The following CEP78 variants were observed in gnomAD, a reference collection of about 807,000 sequenced individuals.
CEP78 encodes centrosomal protein of 78 kDa.
CEP78 carries 76 observed loss-of-function variants against 81.2 expected under a neutral mutation model. The ratio of observed to expected loss-of-function variants is 0.94; its 90% CI spans 0.78 to 1.13. The LOEUF (loss-of-function observed/expected upper bound fraction) is 1.13, where lower values mean the gene tolerates loss of function less well. Ranked by LOEUF, CEP78 falls within the 50% of genes most tolerant of loss-of-function variation. The probability of loss-of-function intolerance (pLI) is 0.00; values close to 1 mark genes in which losing one functional copy is unlikely to be tolerated. For missense variants in CEP78, 918 were observed against 846.8 expected (o/e 1.08, Z -1.04); for synonymous variants, 293 against 301.4 (o/e 0.97, Z 0.29).
Position 78,266,813 on chromosome 9 carries a change from T to C in CEP78, c.2107+110T>C, listed in dbSNP as rs144952177. 208 of 1,498,848 alleles carry C rather than the reference T, an allele frequency of 1.4e-4. 2 individuals carry two copies. The East Asian group carries it at 4.9e-3, about 35-fold the overall frequency. 92.8% of individuals were successfully genotyped at this position (1,498,848 alleles called of 1,614,324 possible). A position where few individuals can be genotyped will look rare whatever the true frequency, so the allele number is the denominator to read the frequency against. On this transcript the variant is annotated intron_variant, in intron 16 of 16. Coordinates refer to ENST00000643273, the MANE Select transcript of CEP78 (RefSeq NM_001330691.3). ...GCAAAGAAACTAGGGAAACTAGTTC[T>C]TTGGTTAATGAACCAATTAAAAGTA...
rs1252274552 is a variant in CEP78, at chr9:78,262,896, C to G, written c.1381-11C>G. 3 of 1,456,830 alleles carry G rather than the reference C, an allele frequency of 2.1e-6. No homozygotes were observed. Among genetic ancestry groups the G allele is most frequent in the Non-Finnish European group, 2.8e-6 (3 of 1,072,248 alleles). The allele number at this position is 1,456,830 out of a possible 1,614,324, so 90.2% of individuals were successfully genotyped here. A position where few individuals can be genotyped will look rare whatever the true frequency, so the allele number is the denominator to read the frequency against. On this transcript the variant is annotated splice_polypyrimidine_tract_variant and intron_variant, in intron 11 of 16. Coordinates refer to ENST00000643273, the MANE Select transcript of CEP78 (RefSeq NM_001330691.3). Reference sequence around the variant, plus strand: ...ATTAATTATAATATTTACTTTATTACTTAATACTAGGAAAAACTGGAGGAG... The same window carrying G: ...ATTAATTATAATATTTACTTTATTAGTTAATACTAGGAAAAACTGGAGGAG...
chr9:78,254,801 T>G (rs545761992), intron 10 of CEP78, 35 bp from the exon 11 acceptor site: 1 of 1,562,706 alleles, frequency 6.4e-7, no homozygotes, highest in African/African-American at 1.4e-5. Flanking sequence ...GTATTCGGTT[T>G]ATATTATTAT....
intron 11 of CEP78, among the ~76,000 whole-genome samples, chr9:78,260,427 G>A (rs772134511): frequency 1.3e-5 from 2 of 152,134 alleles, no homozygotes; most frequent in African/African-American, 4.8e-5. Context: ...GTCAAAGTTG[G>A]CCAGGTGCGG....
chr9:78,263,228 CTG>C (rs1158143843), intron 12 of CEP78, among the ~76,000 whole-genome samples: 2 of 152,010 alleles, frequency 1.3e-5, no homozygotes, highest in Non-Finnish European at 2.9e-5. Flanking sequence ...TTTTATATGA[CTG>C]GAGCTTATTT....
At chr9:78,258,372 A>C (rs1457483730) in intron 11 of CEP78, among the ~76,000 whole-genome samples, 1 of 152,236 alleles carries the variant, frequency 6.6e-6, no homozygotes, top group Non-Finnish European at 1.5e-5. Flanking sequence ...GTAAAAGCTA[A>C]GTTTGGAAGG....
chr9:78,274,856 A>G lies in CEP78; in HGVS notation c.*4005A>G, dbSNP rs1827769116. 2.0e-5 allele frequency: 3 copies of G among 152,350 alleles called. No homozygotes were observed. The South Asian group carries it at 6.2e-4, about 32-fold the overall frequency. 9.4% of individuals were successfully genotyped at this position (152,350 alleles called of 1,614,324 possible). A position where few individuals can be genotyped will look rare whatever the true frequency, so the allele number is the denominator to read the frequency against. On this transcript the variant is annotated 3_prime_UTR_variant, in exon 17 of 17. Coordinates refer to ENST00000643273, the MANE Select transcript of CEP78 (RefSeq NM_001330691.3). ...CCAAAGAGGTGTTAGAGGAAATTGT[A>G]TAGATTTTGATTTACTTTCCAGGAA...
chr9:78,241,170 C>G (rs138332804), intron 3 of CEP78, among the ~76,000 whole-genome samples: 2 of 151,938 alleles, frequency 1.3e-5, no homozygotes, highest in African/African-American at 2.4e-5. Context: ...GTCTTGTGTT[C>G]GTTGTGTGAA....
chr9:78,247,934 A>G (rs191066368), intron 6 of CEP78, among the ~76,000 whole-genome samples: 49 of 152,350 alleles, frequency 3.2e-4, no homozygotes, highest in African/African-American at 1.2e-3. Flanking sequence ...GGGGCGCATC[A>G]TGACTTTGAT....
Position 78,264,534 on chromosome 9 carries a change from G to C in CEP78, c.1625+218G>C, listed in dbSNP as rs575466274. On this transcript the variant is annotated intron_variant, in intron 13 of 16. Transcript: ENST00000643273. ...CAATATGAAAGAGTAAACTTATCTG[G>C]CTTGGTGGTTTGCACCTGTAATCCC... 2.0e-5 allele frequency among the ~76,000 whole-genome samples: 3 copies of C among 151,896 alleles called. No individual in the cohort carries two copies. In the East Asian group the frequency reaches 5.8e-4, roughly 30 times the overall value.
chr9:78,236,117 A>AG lies in CEP78; in HGVS notation c.-234_-233insG, dbSNP rs1430685023. The AG allele has an allele frequency of 7.5e-6, 4 of 533,674 alleles. No homozygotes were observed. Among genetic ancestry groups the AG allele is most frequent in the African/African-American group, 2.0e-5 (1 of 48,814 alleles). The allele number at this position is 533,674 out of a possible 1,614,324, so 33.1% of individuals were successfully genotyped here. Reference sequence around the variant, plus strand: ...CTCAGAGGACTATGAGGCGGGCGCCAACTGCTTGGGCCGCAGGGCGGGAGG... The same window carrying AG: ...CTCAGAGGACTATGAGGCGGGCGCCAGACTGCTTGGGCCGCAGGGCGGGAGG... On this transcript the variant is annotated 5_prime_UTR_variant, in exon 1 of 17. The change creates a premature stop within an existing upstream ORF in the 5' untranslated region. Transcript: ENST00000643273.
At chr9:78,267,456 A>G (rs1827590281) in intron 16 of CEP78, among the ~76,000 whole-genome samples, 1 of 152,234 alleles carries the variant, frequency 6.6e-6, no homozygotes, top group African/African-American at 2.4e-5. Flanking sequence ...AGCAGCAAAC[A>G]TGTCTAGATG....
At chr9:78,260,613 A>G (rs995984955) in intron 11 of CEP78, among the ~76,000 whole-genome samples, 3 of 151,306 alleles carry the variant, frequency 2.0e-5, no homozygotes, top group African/African-American at 4.9e-5. Context: ...AGGCTGAAGC[A>G]GGAGAATGGT....
In CEP78 at chr9:78,273,229, T is replaced by C. The variant is rs946816334; in HGVS notation, c.*2378T>C. 8 of 152,192 alleles carry C rather than the reference T, an allele frequency of 5.3e-5. No homozygotes were observed. The highest frequency in any genetic ancestry group is 1.7e-4 in the African/African-American group (7 of 41,440). 9.4% of individuals were successfully genotyped at this position (152,192 alleles called of 1,614,324 possible). On this transcript the variant is annotated 3_prime_UTR_variant, in exon 17 of 17. Transcript: ENST00000643273. Reference sequence around the variant, plus strand: ...TGAGTAAAAACATGAAATCCCACTGTGTGCTATTTGCAAAATCTAAAACGC... The same window carrying C: ...TGAGTAAAAACATGAAATCCCACTGCGTGCTATTTGCAAAATCTAAAACGC...
rs763730469 is a variant in CEP78 at position 78,236,345 on chromosome 9, C to T, written c.-6C>T. The T allele has an allele frequency of 6.4e-6, 10 of 1,562,938 alleles. No homozygotes were observed. The highest frequency in any genetic ancestry group is 4.1e-5 in the African/African-American group (3 of 73,454). Reference sequence around the variant, plus strand: ...GGCGGGCATCCCCCGAGGCCGCCCTCGGGCCATGATCGACTCCGTGAAGCT... The same window carrying T: ...GGCGGGCATCCCCCGAGGCCGCCCTTGGGCCATGATCGACTCCGTGAAGCT... On this transcript the variant is annotated 5_prime_UTR_variant, in exon 1 of 17. Transcript: ENST00000643273.
chr9:78,254,763 A>G (rs1587585603), intron 10 of CEP78, 73 bp from the exon 11 acceptor site: 1 of 1,231,330 alleles, frequency 8.1e-7, no homozygotes, highest in Non-Finnish European at 1.1e-6. Flanking sequence ...CAGAAAGATC[A>G]CTTTGATTAG....
chr9:78,236,628 C>T (rs1156434265), intron 1 of CEP78, 25 bp downstream of exon 1: 2 of 1,516,510 alleles, frequency 1.3e-6, no homozygotes, highest in South Asian at 1.3e-5. Flanking sequence ...CCTCCAGGGC[C>T]CCTCAGTCGG....
intron 10 of CEP78, 141 bp downstream of exon 10, chr9:78,253,418 C>A (rs1382571418): frequency 3.2e-6 from 2 of 624,480 alleles, no homozygotes; most frequent in Non-Finnish European, 5.9e-6. Context: ...TTTCTGGGTT[C>A]TCCCGGTGCC....
At chr9:78,259,545 G>A (rs772038582) in intron 11 of CEP78, among the ~76,000 whole-genome samples, 15 of 152,138 alleles carry the variant, frequency 9.9e-5, no homozygotes, top group Non-Finnish European at 1.8e-4. Context: ...TGAGTGAGGA[G>A]GAGATTAACT....
At chr9:78,244,621 T>C (rs1056256099) in intron 5 of CEP78, among the ~76,000 whole-genome samples, 2 of 152,214 alleles carry the variant, frequency 1.3e-5, no homozygotes, top group African/African-American at 4.8e-5. Flanking sequence ...CTTTTTCTTT[T>C]TTGATGCAAA....
Sources: allele counts gnomAD v4.1 joint callset (sites outside exome capture counted in the v4.1 genomes callset), GRCh38; gene constraint gnomAD v4.1.1; transcripts MANE v1.5; gene names NCBI Gene and HGNC (gene_info 2026-07-23, HGNC 2026-07-21).